TGS1: variants seen among roughly 807,000 people sequenced by gnomAD.
The protein encoded by TGS1 is trimethylguanosine synthase.
A neutral mutation model predicts 92.2 loss-of-function variants in TGS1; 69 were observed. The observed-to-expected ratio is 0.75, with a 90% CI of 0.62 to 0.91. TGS1 has a LOEUF of 0.91. Ranked by LOEUF, TGS1 falls within the 40% of genes least tolerant of loss-of-function variation. The probability of loss-of-function intolerance (pLI) is 0.00; values close to 1 mark genes in which losing one functional copy is unlikely to be tolerated. For missense variants in TGS1, 1,062 were observed against 1,001.2 expected, an observed-to-expected ratio of 1.06 and a Z score of -0.82; for synonymous variants, 345 against 338.1, an observed-to-expected ratio of 1.02 and a Z score of -0.22.
At chr8:55,787,612 G>T (rs1290030352) in intron 4 of TGS1, among the ~76,000 whole-genome samples, 4 of 152,222 alleles carry the variant, frequency 2.6e-5, no homozygotes, top group Admixed American at 6.5e-5. Flanking sequence ...AAAGCTAATT[G>T]TGCAAACTGG....
chr8:55,804,760 G>T, intron 9 of TGS1, 133 bp from the exon 10 acceptor site: 2 of 726,656 alleles, frequency 2.8e-6, no homozygotes, highest in South Asian at 2.7e-5. Context: ...TTAAAACTGG[G>T]TGATTTATAA....
intron 12 of TGS1, among the ~76,000 whole-genome samples, chr8:55,820,528 A>G (rs959673836): frequency 1.3e-5 from 2 of 152,058 alleles, no homozygotes; most frequent in Non-Finnish European, 2.9e-5. Context: ...GTAGAGCCAG[A>G]CTCGTCTCAA....
At chr8:55,791,279 C>A (rs1811879875) in intron 5 of TGS1, among the ~76,000 whole-genome samples, 1 of 152,182 alleles carries the variant, frequency 6.6e-6, no homozygotes, top group Non-Finnish European at 1.5e-5. Context: ...CCATGAAAGA[C>A]TCTCATGCAC....
chr8:55,815,938 ATTTATTTAT>A (rs1001829991), intron 12 of TGS1, among the ~76,000 whole-genome samples: 1 of 136,176 alleles, frequency 7.3e-6, no homozygotes, highest in African/African-American at 3.0e-5. Context: ...TTATTTATTT[ATTTATTTAT>A]TTTATTTATT....
At chr8:55,805,253 A>G (rs938895065) in intron 10 of TGS1, among the ~76,000 whole-genome samples, 3 of 152,180 alleles carry the variant, frequency 2.0e-5, no homozygotes, top group African/African-American at 7.2e-5. Flanking sequence ...TACAGGTTTG[A>G]ACTGTATGAG....
chr8:55,809,960 A>G (rs999239046), intron 10 of TGS1, among the ~76,000 whole-genome samples: 1 of 152,224 alleles, frequency 6.6e-6, no homozygotes, highest in Non-Finnish European at 1.5e-5. Flanking sequence ...TTCTCTTACA[A>G]ATGTGAATGT....
At position 55,773,488 on chromosome 8, in the gene TGS1, C is replaced by T. The variant is rs1811272677; in HGVS notation, c.-131C>T. 4.8e-6 allele frequency: 3 copies of T among 619,870 alleles called. No homozygotes were observed. The highest frequency in any genetic ancestry group is 3.3e-5 in the East Asian group (1 of 30,372). The allele number at this position is 619,870 out of a possible 1,614,324, so 38.4% of individuals were successfully genotyped here. A position where few individuals can be genotyped will look rare whatever the true frequency, so the allele number is the denominator to read the frequency against. ...CCGGGCTAGTTCCCGGCGCGAGCGG[C>T]CGCGGGCCAGTTTCTATCTCCTCAT... is the stretch of plus-strand genomic sequence containing the variant. On this transcript the variant is annotated 5_prime_UTR_variant, in exon 1 of 13. Transcript: ENST00000260129.
At position 55,811,116 on chromosome 8, in the gene TGS1, A is replaced by G; in HGVS notation, c.2360+19A>G. The G allele has an allele frequency of 7.0e-7, 1 of 1,430,634 alleles. No individual in the cohort carries two copies. The highest frequency in any genetic ancestry group is 9.5e-7 in the Non-Finnish European group (1 of 1,057,744). 88.6% of individuals were successfully genotyped at this position (1,430,634 alleles called of 1,614,324 possible). A position where few individuals can be genotyped will look rare whatever the true frequency, so the allele number is the denominator to read the frequency against. On this transcript the variant is annotated intron_variant, in intron 11 of 12. Coordinates refer to ENST00000260129, the MANE Select transcript of TGS1 (RefSeq NM_024831.8). ...CTGATGGATATCCTTTGGAAGTCTTAAGAGTTTACTGAAACAATGATTGTG... is the reference window on the plus strand; with the variant it reads ...CTGATGGATATCCTTTGGAAGTCTTGAGAGTTTACTGAAACAATGATTGTG...
chr8:55,810,062 C>T (rs1476823310), intron 10 of TGS1, among the ~76,000 whole-genome samples: 1 of 152,174 alleles, frequency 6.6e-6, no homozygotes, highest in African/African-American at 2.4e-5. Flanking sequence ...TGATTTAGCA[C>T]ATTATTTCTC....
intron 2 of TGS1, among the ~76,000 whole-genome samples, chr8:55,783,069 AG>A (rs1210348025): frequency 6.6e-6 from 1 of 152,064 alleles, no homozygotes; most frequent in Non-Finnish European, 1.5e-5. Context: ...TTCCTTCCTG[AG>A]TTGCCACCAT....
Position 55,798,894 on chromosome 8 carries a change from A to T in TGS1, c.1543-20A>T. The T allele has an allele frequency of 1.3e-6, 2 of 1,564,174 alleles. No homozygotes were observed. The highest frequency in any genetic ancestry group is 1.7e-6 in the Non-Finnish European group (2 of 1,151,664). On this transcript the variant is annotated intron_variant, in intron 7 of 12. Coordinates refer to ENST00000260129, the MANE Select transcript of TGS1 (RefSeq NM_024831.8). ...AGTTTGGAATTAATTCCTGCTCATG[A>T]TGTCATCTTAAAATTTAAGGTAGAA...
At chr8:55,779,153 C>G (rs1431800375) in intron 1 of TGS1, among the ~76,000 whole-genome samples, 1 of 152,186 alleles carries the variant, frequency 6.6e-6, no homozygotes, top group Non-Finnish European at 1.5e-5. Context: ...TTAAGGTACA[C>G]TAATCAAACT....
chr8:55,818,693 T>C (rs903090198), intron 12 of TGS1, among the ~76,000 whole-genome samples: 3 of 152,246 alleles, frequency 2.0e-5, no homozygotes, highest in Non-Finnish European at 4.4e-5. Flanking sequence ...GCAGCTTTGC[T>C]GAAATGCTTC....
intron 12 of TGS1, among the ~76,000 whole-genome samples, chr8:55,821,915 AT>A (rs930606963): frequency 2.0e-4 from 28 of 142,206 alleles, no homozygotes; most frequent in East Asian, 1.2e-3. Flanking sequence ...TAGTACCTTT[AT>A]TTTTTTTTTC....
intron 12 of TGS1, among the ~76,000 whole-genome samples, chr8:55,819,411 C>T (rs1251344116): frequency 6.6e-6 from 1 of 151,118 alleles, no homozygotes; most frequent in Non-Finnish European, 1.5e-5. Flanking sequence ...ATTCTCCTAC[C>T]TCAGCCTCCC....
chr8:55,820,431 G>T (rs899672531), intron 12 of TGS1, among the ~76,000 whole-genome samples: 3 of 152,002 alleles, frequency 2.0e-5, no homozygotes, highest in Non-Finnish European at 2.9e-5. Flanking sequence ...CCAGCTACTC[G>T]GCAGGCTGAG....
At chr8:55,807,738 C>T (rs1025727842) in intron 10 of TGS1, among the ~76,000 whole-genome samples, 4 of 151,752 alleles carry the variant, frequency 2.6e-5, no homozygotes, top group Admixed American at 2.0e-4. Context: ...GCTATATTCC[C>T]CAGGCTGGTC....
chr8:55,794,812 C>T (rs1227882866), intron 6 of TGS1, among the ~76,000 whole-genome samples: 1 of 152,146 alleles, frequency 6.6e-6, no homozygotes, highest in Non-Finnish European at 1.5e-5. Context: ...TAATCTAAAC[C>T]ATGACTGGGT....
chr8:55,825,848 T>A lies in TGS1; in HGVS notation c.*1145T>A, dbSNP rs1803780543. On this transcript the variant is annotated 3_prime_UTR_variant, in exon 13 of 13. Transcript: ENST00000260129. ...AATTTCAAAATCTGTCCAAATGTTC[T>A]TGGTTTTTAAACTTTATGTAGCATT... 6.6e-6 allele frequency among the ~76,000 whole-genome samples: 1 copy of A among 151,976 alleles called. No individual in the cohort carries two copies. The highest frequency in any genetic ancestry group is 2.1e-4 in the South Asian group (1 of 4,824).
Sources: allele counts gnomAD v4.1 joint callset (sites outside exome capture counted in the v4.1 genomes callset), GRCh38; gene constraint gnomAD v4.1.1; transcripts MANE v1.5; gene names NCBI Gene and HGNC (gene_info 2026-07-23, HGNC 2026-07-21).